Variants in STARD13 observed in about 807,000 individuals in gnomAD.
STARD13 encodes StAR related lipid transfer domain containing 13.
Under a neutral mutation model 106.4 loss-of-function variants are expected in STARD13, and 62 were observed. The observed-to-expected ratio is 0.58, with a 90% CI of 0.48 to 0.72. The LOEUF (loss-of-function observed/expected upper bound fraction) is 0.72, where lower values mean the gene tolerates loss of function less well. Among genes scored for constraint, STARD13 ranks in the 30% least tolerant of loss-of-function variants. The probability of loss-of-function intolerance (pLI) is 0.00; values close to 1 mark genes in which losing one functional copy is unlikely to be tolerated. For missense variants in STARD13, 1,387 were observed against 1,424.0 expected (o/e 0.97, Z 0.42); for synonymous variants, 565 against 553.0 (o/e 1.02, Z -0.31).
chr13:33,429,154 C>T, the STARD13 span, among the ~76,000 whole-genome samples: 91 of 152,304 alleles, frequency 6.0e-4, no homozygotes, highest in Non-Finnish European at 9.7e-4. Flanking sequence ...ACCATATGAT[C>T]CAGCAATCCC....
chr13:33,544,438 CTG>C, the STARD13 span, among the ~76,000 whole-genome samples: 105 of 152,310 alleles, frequency 6.9e-4, no homozygotes, highest in Admixed American at 1.8e-3. Flanking sequence ...GTGCTGCACA[CTG>C]TAACTTTTGT....
the STARD13 span, among the ~76,000 whole-genome samples, chr13:33,425,257 C>T: frequency 6.6e-6 from 1 of 152,210 alleles, no homozygotes; most frequent in Non-Finnish European, 1.5e-5. Context: ...TTCAAAGCCA[C>T]CAACAAGCAT....
At chr13:33,386,493 T>C in the STARD13 span, among the ~76,000 whole-genome samples, 1 of 152,108 alleles carries the variant, frequency 6.6e-6, no homozygotes, top group Non-Finnish European at 1.5e-5. Flanking sequence ...GGGTTCTTTC[T>C]CAGCCCTGGG....
the STARD13 span, among the ~76,000 whole-genome samples, chr13:33,552,306 T>G: frequency 6.6e-6 from 1 of 152,048 alleles, no homozygotes; most frequent in Admixed American, 6.6e-5. Context: ...ATCCACCAAC[T>G]CTATCCACCA....
intron 1 of STARD13, among the ~76,000 whole-genome samples, chr13:33,208,081 A>G (rs1397157141): frequency 6.8e-6 from 1 of 146,530 alleles, no homozygotes; most frequent in African/African-American, 2.6e-5. Context: ...TATCTAATAA[A>G]TCCTTTTAAA....
the STARD13 span, among the ~76,000 whole-genome samples, chr13:33,396,447 C>T: frequency 6.6e-6 from 1 of 152,168 alleles, no homozygotes; most frequent in Non-Finnish European, 1.5e-5. Context: ...CTTCATTCAC[C>T]TTACTGGCTT....
upstream of STARD13, chr13:33,355,115 C>T (rs192317975): frequency 2.0e-5 from 3 of 152,068 alleles, no homozygotes; most frequent in South Asian, 4.2e-4. Context: ...AATAATCCTG[C>T]GATAAATAAC....
rs139585008 is a variant in STARD13 at position 33,269,249 on chromosome 13, A to T, written c.169+16221T>A. Among the ~76,000 whole-genome samples the T allele has an allele frequency of 3.9e-5, 6 of 152,368 alleles. No individual in the cohort carries two copies. The East Asian group carries it at 9.6e-4, about 24-fold the overall frequency. On this transcript the variant is annotated intron_variant, in intron 1 of 13. Coordinates refer to ENST00000336934, the MANE Select transcript of STARD13 (RefSeq NM_178006.4). ...ATCAGCATACTCAAATATTTAAAGC[A>T]AACAAAATAATACTGATATCAAAAC...
rs1197321378 is a variant in STARD13 at position 33,110,200 on chromosome 13, C to T, written c.2830-110G>A. On this transcript the variant is annotated intron_variant, in intron 11 of 13. Coordinates refer to ENST00000336934, the MANE Select transcript of STARD13 (RefSeq NM_178006.4). ...CATACCTTGCTGGGTGTTCAAAAAC[C>T]ATCACTGATTATGTAAATTGAGAGT... The T allele has an allele frequency of 4.5e-6, 4 of 879,548 alleles. 1 individual carries two copies. Among genetic ancestry groups the T allele is most frequent in the Admixed American group, 4.4e-5 (2 of 45,544 alleles). 54.5% of individuals were successfully genotyped at this position (879,548 alleles called of 1,614,324 possible). A position where few individuals can be genotyped will look rare whatever the true frequency, so the allele number is the denominator to read the frequency against.
At chr13:33,171,015 A>G (rs1883895575) in intron 1 of STARD13, among the ~76,000 whole-genome samples, 1 of 152,216 alleles carries the variant, frequency 6.6e-6, no homozygotes, top group African/African-American at 2.4e-5. Flanking sequence ...AAATGACTGG[A>G]GAACTAAAAA....
chr13:33,182,722 T>C (rs2858124), intron 1 of STARD13, among the ~76,000 whole-genome samples: 57,117 of 152,166 alleles, frequency 0.38, 10,884 homozygotes, highest in East Asian at 0.5. Context: ...TGGTTTAGAC[T>C]CTCATTTTGT....
At chr13:33,529,053 A>G in the STARD13 span, among the ~76,000 whole-genome samples, 2 of 152,102 alleles carry the variant, frequency 1.3e-5, no homozygotes, top group African/African-American at 4.8e-5. Context: ...ATTTTACACA[A>G]GATATTGACA....
the STARD13 span, among the ~76,000 whole-genome samples, chr13:33,638,039 C>A: frequency 6.6e-6 from 1 of 152,124 alleles, no homozygotes; most frequent in Non-Finnish European, 1.5e-5. Flanking sequence ...CCAATACTGT[C>A]TTTTATTCTG....
chr13:33,371,681 C>G, the STARD13 span, among the ~76,000 whole-genome samples: 1 of 152,186 alleles, frequency 6.6e-6, no homozygotes, highest in Non-Finnish European at 1.5e-5. Context: ...CCCTTGAACT[C>G]ACCAGCTCTC....
chr13:33,382,125 A>G, the STARD13 span, among the ~76,000 whole-genome samples: 2 of 152,250 alleles, frequency 1.3e-5, no homozygotes, highest in Non-Finnish European at 2.9e-5. Context: ...GCAGGCACTG[A>G]GTCATGCAGA....
intron 1 of STARD13, among the ~76,000 whole-genome samples, chr13:33,335,662 C>T (rs2077887899): frequency 1.3e-5 from 2 of 152,244 alleles, no homozygotes; most frequent in Admixed American, 6.5e-5. Flanking sequence ...TAGTCTGTGC[C>T]ATACGCACAG....
intron 4 of STARD13, among the ~76,000 whole-genome samples, chr13:33,136,944 A>C (rs979954682): frequency 6.6e-6 from 1 of 152,246 alleles, no homozygotes; most frequent in Admixed American, 6.5e-5. Flanking sequence ...GCCACAGAGC[A>C]GGGTGACAGG....
At chr13:33,349,764 T>G (rs2078053650) in intron 1 of STARD13, among the ~76,000 whole-genome samples, 1 of 152,190 alleles carries the variant, frequency 6.6e-6, no homozygotes, top group South Asian at 2.1e-4. Flanking sequence ...ACCGTCCACC[T>G]GTCTCCCGTC....
the STARD13 span, among the ~76,000 whole-genome samples, chr13:33,523,763 A>G: frequency 1.3e-5 from 2 of 152,144 alleles, no homozygotes. Context: ...GAACAAAGGC[A>G]ATTTTCGAAA....
Sources: gnomAD v4.1 joint callset for allele counts (sites outside exome capture counted in the v4.1 genomes callset) on GRCh38, gnomAD v4.1.1 for gene constraint, MANE v1.5 for transcripts, NCBI Gene and HGNC (gene_info 2026-07-23, HGNC 2026-07-21) for gene names.